Variants in FAM47E observed in about 807,000 individuals in gnomAD.
The protein encoded by FAM47E is family with sequence similarity 47 member E, also known as protein FAM47E.
In FAM47E, 32 loss-of-function variants were observed where a neutral mutation model predicts 41.6. The ratio of observed to expected loss-of-function variants is 0.77; its 90% CI spans 0.58 to 1.03. The LOEUF (loss-of-function observed/expected upper bound fraction) is 1.03. FAM47E is among the 50% of genes least tolerant of loss of function. FAM47E has a pLI of 0.00. For missense variants in FAM47E, 424 were observed against 485.4 expected (o/e 0.87, Z 1.19); for synonymous variants, 184 against 188.7 (o/e 0.98, Z 0.20).
At chr4:76,276,665 A>G (rs1300607695) in intron 5 of FAM47E, among the ~76,000 whole-genome samples, 2 of 152,080 alleles carry the variant, frequency 1.3e-5, no homozygotes, top group African/African-American at 4.8e-5. Flanking sequence ...TTTAAATTGG[A>G]TGGCCAGGGA....
At chr4:76,255,752 G>A (rs1734163065) in intron 1 of FAM47E, among the ~76,000 whole-genome samples, 1 of 152,122 alleles carries the variant, frequency 6.6e-6, no homozygotes, top group South Asian at 2.1e-4. Flanking sequence ...TACATAGAGT[G>A]ACATGGAAGG....
chr4:76,221,245 C>T (rs1264946837), intron 2 of FAM47E, among the ~76,000 whole-genome samples: 1 of 152,194 alleles, frequency 6.6e-6, no homozygotes, highest in Non-Finnish European at 1.5e-5. Flanking sequence ...TAAGCTTGGG[C>T]GACCACTGCC....
rs1430305281 is a variant in FAM47E, at chr4:76,283,426, A to G, written c.1150A>G (p.Asn384Asp). 1.9e-6 allele frequency: 3 copies of G among 1,547,944 alleles called. No homozygotes were observed. The South Asian group carries it at 3.6e-5, about 18-fold the overall frequency. Reference sequence around the variant, plus strand: ...CGGGAAGGAATGTAAACGTGCATGTAATAAGACTCCTATAAAACGAACTCA... The same window carrying G: ...CGGGAAGGAATGTAAACGTGCATGTGATAAGACTCCTATAAAACGAACTCA... Reference protein sequence around the residue: ...YIGKECKRACNKTPIKRTQA With the variant: ...YIGKECKRACDKTPIKRTQA The change falls in exon 8 of 8, where the codon AAT becomes GAT. Residue 384 changes from asparagine (N) to aspartate (D), a missense_variant. Physicochemically the swap from Asn to Asp is conservative, Grantham distance 23. Transcript: ENST00000424749.
intron 2 of FAM47E, among the ~76,000 whole-genome samples, chr4:76,239,680 C>G (rs1733666420): frequency 6.6e-6 from 1 of 151,956 alleles, no homozygotes; most frequent in Non-Finnish European, 1.5e-5. Context: ...TGTGGGTTGC[C>G]TTTTTTACTC....
At chr4:76,229,719 C>T (rs1578753642) in intron 2 of FAM47E, among the ~76,000 whole-genome samples, 2 of 152,318 alleles carry the variant, frequency 1.3e-5, no homozygotes, top group South Asian at 4.1e-4. Context: ...TGCATACCAG[C>T]ACCTGCTCTG....
intron 2 of FAM47E, among the ~76,000 whole-genome samples, chr4:76,259,920 A>G (rs1044091740): frequency 8.5e-5 from 13 of 152,350 alleles, no homozygotes; most frequent in African/African-American, 2.6e-4. Flanking sequence ...TACATTATCA[A>G]TGCTGAAGCT....
chr4:76,236,603 G>A (rs1357099415), intron 2 of FAM47E: 1 of 145,316 alleles, frequency 6.9e-6, no homozygotes, highest in Admixed American at 7.1e-5. Context: ...AGAGAGACAT[G>A]AGACTTCAAT....
chr4:76,253,159 C>T (rs1463883461), intron 1 of FAM47E, among the ~76,000 whole-genome samples: 1 of 152,152 alleles, frequency 6.6e-6, no homozygotes, highest in African/African-American at 2.4e-5. Flanking sequence ...CTTTTTCACT[C>T]ATCATAAAGC....
At chr4:76,259,925 G>A (rs970573532) in intron 2 of FAM47E, among the ~76,000 whole-genome samples, 2 of 152,124 alleles carry the variant, frequency 1.3e-5, no homozygotes, top group Admixed American at 6.5e-5. Flanking sequence ...TATCAATGCT[G>A]AAGCTGACAA....
At chr4:76,261,188 G>T (rs190508790) in intron 2 of FAM47E, among the ~76,000 whole-genome samples, 1 of 152,138 alleles carries the variant, frequency 6.6e-6, no homozygotes, top group African/African-American at 2.4e-5. Context: ...TATTGGCAAG[G>T]ATGCAGAGAA....
chr4:76,243,382 ACCT>A (rs1733751483), intron 2 of FAM47E, among the ~76,000 whole-genome samples: 1 of 152,192 alleles, frequency 6.6e-6, no homozygotes, highest in African/African-American at 2.4e-5. Flanking sequence ...TTTATCTAGT[ACCT>A]GATACTAGCT....
chr4:76,234,130 G>T (rs865779158), intron 2 of FAM47E, among the ~76,000 whole-genome samples: 1 of 152,264 alleles, frequency 6.6e-6, no homozygotes, highest in South Asian at 2.1e-4. Context: ...GGCAGGGAGG[G>T]GAGGGTGGAG....
chr4:76,264,721 A>C (rs1734557365), intron 3 of FAM47E, among the ~76,000 whole-genome samples: 1 of 151,924 alleles, frequency 6.6e-6, no homozygotes, highest in Admixed American at 6.6e-5. Flanking sequence ...TCAGCCTCCC[A>C]TGTAACTGGG....
At chr4:76,259,287 C>T (rs1045668525) in intron 2 of FAM47E, among the ~76,000 whole-genome samples, 1 of 152,232 alleles carries the variant, frequency 6.6e-6, no homozygotes, top group Non-Finnish European at 1.5e-5. Flanking sequence ...TATTGAGATT[C>T]CTCCAATGTC....
chr4:76,259,795 G>C (rs924001332), intron 2 of FAM47E, among the ~76,000 whole-genome samples: 2 of 152,136 alleles, frequency 1.3e-5, no homozygotes, highest in Non-Finnish European at 2.9e-5. Context: ...ATAATTTCAT[G>C]ATCCTACACC....
chr4:76,217,055 T>C (rs1733220835), intron 1 of FAM47E, among the ~76,000 whole-genome samples: 1 of 152,204 alleles, frequency 6.6e-6, no homozygotes, highest in Non-Finnish European at 1.5e-5. Context: ...AGTTTCTCAA[T>C]GCCCTTTGGG....
chr4:76,275,483 T>C (rs547965737), intron 5 of FAM47E, among the ~76,000 whole-genome samples: 1 of 152,186 alleles, frequency 6.6e-6, no homozygotes, highest in African/African-American at 2.4e-5. Context: ...TAGTAGGTTT[T>C]TGAGCACCGA....
chr4:76,234,967 AAGAT>A lies in FAM47E; in HGVS notation c.81+17282_81+17285del, dbSNP rs554868020. 4.4e-3 allele frequency among the ~76,000 whole-genome samples: 676 copies of A among 152,268 alleles called. 1 individual carries two copies. The highest frequency in any genetic ancestry group is 8.0e-3 in the Non-Finnish European group (547 of 68,006). On this transcript the variant is annotated intron_variant, in intron 2 of 7. Transcript: ENST00000510197. ...CTGATTTAAATAGTAAAATTAAAGTAAGATAGTAGGGACAGGGTGGGGACCAGCA... is the reference window on the plus strand; with the variant it reads ...CTGATTTAAATAGTAAAATTAAAGTAAGTAGGGACAGGGTGGGGACCAGCA...
In FAM47E at chr4:76,278,132, T is replaced by G. The variant is rs1578805649; in HGVS notation, c.934T>G (p.Trp312Gly). Residue 312 changes from tryptophan to glycine, a missense_variant, in exon 6 of 8, where the codon TGG becomes GGG. Coordinates refer to ENST00000424749, the MANE Select transcript of FAM47E (RefSeq NM_001136570.3). Reference sequence around the variant, plus strand: ...AGCATGGTATTTGAACCCCAAGTTGTGGAAAAAGCAAAGAGTAGACGAGCC... The same window carrying G: ...AGCATGGTATTTGAACCCCAAGTTGGGGAAAAAGCAAAGAGTAGACGAGCC... ...YGAWYLNPKL[W>G]KKQRVDEPLV... 6.4e-7 allele frequency: 1 copy of G among 1,550,804 alleles called. No individual in the cohort carries two copies. Among genetic ancestry groups the G allele is most frequent in the African/African-American group, 1.4e-5 (1 of 73,048 alleles).
Sources: allele counts gnomAD v4.1 joint callset (sites outside exome capture counted in the v4.1 genomes callset), GRCh38; gene constraint gnomAD v4.1.1; transcripts MANE v1.5; gene names NCBI Gene and HGNC (gene_info 2026-07-23, HGNC 2026-07-21).